Variants in OXCT1 observed in about 807,000 individuals in gnomAD.
The protein encoded by OXCT1 is 3-oxoacid CoA-transferase 1.
OXCT1 carries 27 observed loss-of-function variants against 69.6 expected under a neutral mutation model. The observed-to-expected ratio is 0.39, with a 90% CI of 0.29 to 0.54. The LOEUF (loss-of-function observed/expected upper bound fraction) is 0.54, where lower values mean the gene tolerates loss of function less well. Ranked by LOEUF, OXCT1 falls within the 20% of genes least tolerant of loss-of-function variation. OXCT1 has a pLI of 0.72. For synonymous variants in OXCT1, 202 were observed against 217.8 expected, an observed-to-expected ratio of 0.93 and a Z score of 0.64; for missense variants, 437 against 650.2, an observed-to-expected ratio of 0.67 and a Z score of 3.57.
At position 41,805,698 on chromosome 5, in the gene OXCT1, A is replaced by G; in HGVS notation, c.841-17T>C. On this transcript the variant is annotated splice_polypyrimidine_tract_variant and intron_variant, in intron 8 of 16. Coordinates refer to ENST00000196371, the MANE Select transcript of OXCT1 (RefSeq NM_000436.4). ...TGATAAACGCTTTAAATTAAACAGAAATAAATTATTCGTGGTTGAGGTATG... is the reference window on the plus strand; with the variant it reads ...TGATAAACGCTTTAAATTAAACAGAGATAAATTATTCGTGGTTGAGGTATG... 1 of 1,489,436 alleles carries G rather than the reference A, an allele frequency of 6.7e-7. No individual in the cohort carries two copies. Among genetic ancestry groups the G allele is most frequent in the South Asian group, 1.1e-5 (1 of 88,566 alleles). 92.3% of individuals were successfully genotyped at this position (1,489,436 alleles called of 1,614,324 possible). A position where few individuals can be genotyped will look rare whatever the true frequency, so the allele number is the denominator to read the frequency against.
chr5:41,865,477 G>A (rs1749920948), intron 1 of OXCT1, among the ~76,000 whole-genome samples: 1 of 152,114 alleles, frequency 6.6e-6, no homozygotes, highest in Non-Finnish European at 1.5e-5. Flanking sequence ...AGAACCTGCA[G>A]GTACTTGTTT....
chr5:41,750,208 T>G (rs1406492829), intron 14 of OXCT1, among the ~76,000 whole-genome samples: 1 of 150,686 alleles, frequency 6.6e-6, no homozygotes, highest in Non-Finnish European at 1.5e-5. Flanking sequence ...TATCCACTTT[T>G]AAAATACTAT....
chr5:41,814,626 C>T (rs1747142442), intron 7 of OXCT1, among the ~76,000 whole-genome samples: 1 of 148,096 alleles, frequency 6.8e-6, no homozygotes, highest in African/African-American at 2.5e-5. Context: ...ATCGCAAGAA[C>T]AAAAAACCAA....
chr5:41,842,560 G>A (rs1345034691), intron 6 of OXCT1, 115 bp downstream of exon 6: 3 of 791,536 alleles, frequency 3.8e-6, no homozygotes, highest in Non-Finnish European at 6.9e-6. Flanking sequence ...CAATACACAT[G>A]GGCATGTATG....
At chr5:41,863,537 G>A (rs920622667) in intron 1 of OXCT1, among the ~76,000 whole-genome samples, 3 of 152,114 alleles carry the variant, frequency 2.0e-5, no homozygotes, top group African/African-American at 7.2e-5. Flanking sequence ...GGCGCTTTAA[G>A]TGACTCATAC....
At chr5:41,826,659 T>C (rs927453496) in intron 7 of OXCT1, among the ~76,000 whole-genome samples, 1 of 152,260 alleles carries the variant, frequency 6.6e-6, no homozygotes, top group Middle Eastern at 3.4e-3. Context: ...AGAAAAAAGA[T>C]AAGCCTCCTC....
rs547130635 is a variant in OXCT1, at chr5:41,805,592, A to G, written c.930T>C (p.Ala310=). 2 of 1,612,610 alleles carry G rather than the reference A, an allele frequency of 1.2e-6. No individual in the cohort carries two copies. Among genetic ancestry groups the G allele is most frequent in the East Asian group, 4.5e-5 (2 of 44,824 alleles). Residue 310 remains alanine, a synonymous_variant, in exon 9 of 17, where the codon GCT becomes GCC. Transcript: ENST00000196371. ...DVRERIIKRA[A]LEFEDGMYAN... ...CATACATGCCATCCTCAAACTCAAG[A>G]GCGGCCCTCTTGATGATTCGTTCCC...
intron 9 of OXCT1, among the ~76,000 whole-genome samples, chr5:41,805,090 C>T (rs930763125): frequency 2.6e-5 from 4 of 151,646 alleles, no homozygotes; most frequent in African/African-American, 9.7e-5. Context: ...TGTTGAATAC[C>T]CTCATAAAAT....
At chr5:41,743,036 T>A (rs1222761168) in intron 15 of OXCT1, among the ~76,000 whole-genome samples, 1 of 152,212 alleles carries the variant, frequency 6.6e-6, no homozygotes, top group Non-Finnish European at 1.5e-5. Context: ...TAATTCTAGA[T>A]CCTTGAGGAA....
intron 13 of OXCT1, among the ~76,000 whole-genome samples, chr5:41,763,600 A>G (rs980218303): frequency 3.4e-4 from 52 of 152,236 alleles, no homozygotes; most frequent in African/African-American, 7.2e-5. Context: ...TTTGTAGAGC[A>G]ACAAAAGACA....
intron 5 of OXCT1, among the ~76,000 whole-genome samples, chr5:41,843,374 C>T (rs916746890): frequency 6.6e-6 from 1 of 152,092 alleles, no homozygotes; most frequent in African/African-American, 2.4e-5. Context: ...ATTATTTTCT[C>T]CATAAAAGCT....
chr5:41,825,113 G>A (rs1253776408), intron 7 of OXCT1, among the ~76,000 whole-genome samples: 4 of 152,132 alleles, frequency 2.6e-5, no homozygotes, highest in South Asian at 2.1e-4. Flanking sequence ...CCTCAGGTAG[G>A]ATTTGTATTT....
chr5:41,794,200 C>G, intron 12 of OXCT1, 122 bp from the exon 13 acceptor site: 1 of 757,224 alleles, frequency 1.3e-6, no homozygotes, highest in South Asian at 1.4e-5. Flanking sequence ...CACCACACAA[C>G]TGATTTCCTA....
intron 11 of OXCT1, 38 bp from the exon 12 acceptor site, chr5:41,794,787 T>TA: frequency 2.5e-6 from 4 of 1,600,362 alleles, no homozygotes; most frequent in Non-Finnish European, 2.6e-6. Flanking sequence ...AAAAGGCTAT[T>TA]AGATTTCTAA....
At chr5:41,838,026 T>A (rs1181547102) in intron 7 of OXCT1, among the ~76,000 whole-genome samples, 1 of 152,200 alleles carries the variant, frequency 6.6e-6, no homozygotes, top group Admixed American at 6.5e-5. Flanking sequence ...CAGAAGAATA[T>A]GCAGTTAACT....
At chr5:41,764,102 T>C (rs1744481553) in intron 13 of OXCT1, among the ~76,000 whole-genome samples, 1 of 152,170 alleles carries the variant, frequency 6.6e-6, no homozygotes, top group Non-Finnish European at 1.5e-5. Context: ...TTCAGCTGGC[T>C]TGATGTCTCA....
At chr5:41,860,946 A>G (rs1749702740) in intron 3 of OXCT1, among the ~76,000 whole-genome samples, 1 of 152,136 alleles carries the variant, frequency 6.6e-6, no homozygotes, top group Non-Finnish European at 1.5e-5. Context: ...TTGCTTTATA[A>G]ATGATCTAAT....
At chr5:41,810,208 AGT>A (rs1222580224) in intron 7 of OXCT1, among the ~76,000 whole-genome samples, 2 of 152,044 alleles carry the variant, frequency 1.3e-5, no homozygotes, top group African/African-American at 4.8e-5. Flanking sequence ...TAAAAAGTCT[AGT>A]GAGATCAGGC....
At chr5:41,817,698 A>C (rs770775039) in intron 7 of OXCT1, among the ~76,000 whole-genome samples, 7 of 152,236 alleles carry the variant, frequency 4.6e-5, no homozygotes, top group Non-Finnish European at 7.3e-5. Flanking sequence ...TCATTACTTT[A>C]TAACCCTTTG....
Sources: gnomAD v4.1 joint callset for allele counts (sites outside exome capture counted in the v4.1 genomes callset) on GRCh38, gnomAD v4.1.1 for gene constraint, MANE v1.5 for transcripts, NCBI Gene and HGNC (gene_info 2026-07-23, HGNC 2026-07-21) for gene names.